The following PTPN2 variants were observed in gnomAD, a reference collection of about 807,000 sequenced individuals.
The protein encoded by PTPN2 is protein tyrosine phosphatase non-receptor type 2, also known as tyrosine-protein phosphatase non-receptor type 2.
PTPN2 carries 19 observed loss-of-function variants against 57.3 expected under a neutral mutation model. The observed-to-expected ratio is 0.33, with a 90% CI of 0.23 to 0.49. The LOEUF is 0.49. Ranked by LOEUF, PTPN2 falls within the 20% of genes least tolerant of loss-of-function variation. The pLI, the probability that PTPN2 is intolerant of heterozygous loss-of-function variation, is 0.99. For missense variants in PTPN2, 358 were observed against 501.1 expected, an observed-to-expected ratio of 0.71 and a Z score of 2.73; for synonymous variants, 153 against 164.9, an observed-to-expected ratio of 0.93 and a Z score of 0.55.
At chr18:12,870,363 G>A (rs12958621) in intron 1 of PTPN2, among the ~76,000 whole-genome samples, 40 of 27,300 alleles carry the variant, frequency 1.5e-3, no homozygotes, top group East Asian at 0.013. Context: ...GTATATATAT[G>A]TGTATATATA....
chr18:12,806,762 C>A (rs946717942), intron 7 of PTPN2, among the ~76,000 whole-genome samples: 1 of 151,982 alleles, frequency 6.6e-6, no homozygotes, highest in African/African-American at 2.4e-5. Flanking sequence ...TGAAACTAGA[C>A]CCCTATCTCT....
chr18:12,823,041 CTATCTGATTCT>C (rs1433127678), intron 5 of PTPN2, among the ~76,000 whole-genome samples: 2 of 152,152 alleles, frequency 1.3e-5, no homozygotes, highest in African/African-American at 4.8e-5. Context: ...TAAACTTGGG[CTATCTGATTCT>C]AGAGGTTATC....
chr18:12,820,558 T>C (rs1241056098), intron 5 of PTPN2, among the ~76,000 whole-genome samples: 2 of 152,182 alleles, frequency 1.3e-5, no homozygotes, highest in African/African-American at 2.4e-5. Context: ...AAGGTCTGCA[T>C]TTAGACTTTA....
chr18:12,875,202 C>T (rs1415415584), intron 1 of PTPN2, among the ~76,000 whole-genome samples: 1 of 152,078 alleles, frequency 6.6e-6, no homozygotes, highest in African/African-American at 2.4e-5. Context: ...CCTAGGAAAA[C>T]CAGAGACCTT....
In PTPN2 at chr18:12,794,102, C is replaced by T; in HGVS notation, c.*176G>A. The T allele has an allele frequency of 7.0e-7, 1 of 1,434,498 alleles. No homozygotes were observed. The highest frequency in any genetic ancestry group is 2.5e-5 in the East Asian group (1 of 40,210). 88.9% of individuals were successfully genotyped at this position (1,434,498 alleles called of 1,614,324 possible). ...TTTACAGTTTGGGGTTCAGAGGAAC[C>T]TGCAGTCAAGAGTCCTGAGATGTTG... On this transcript the variant is annotated 3_prime_UTR_variant, in exon 9 of 9. Transcript: ENST00000309660.
intron 1 of PTPN2, among the ~76,000 whole-genome samples, chr18:12,872,003 G>T (rs528480472): frequency 6.6e-6 from 1 of 151,456 alleles, no homozygotes; most frequent in Non-Finnish European, 1.5e-5. Flanking sequence ...AGCCGAGATC[G>T]TGCCGTAGCA....
chr18:12,805,733 G>A lies in PTPN2; in HGVS notation c.859-3582C>T, dbSNP rs531441427. Among the ~76,000 whole-genome samples the A allele has an allele frequency of 2.7e-5, 4 of 150,238 alleles. No individual in the cohort carries two copies. The South Asian group carries it at 6.3e-4, about 24-fold the overall frequency. ...CAACCTCTGCCTCCCAGGTTCAAGC[G>A]ATTCTCCTGCCTCAGCCTCCCGAGT... is the stretch of plus-strand genomic sequence containing the variant. On this transcript the variant is annotated intron_variant, in intron 7 of 8. Coordinates refer to ENST00000309660, the MANE Select transcript of PTPN2 (RefSeq NM_002828.4).
At chr18:12,814,164 TAACA>T in intron 7 of PTPN2, 35 bp downstream of exon 7, 1 of 1,420,350 alleles carries the variant, frequency 7.0e-7, no homozygotes, top group Non-Finnish European at 9.8e-7. Flanking sequence ...TATGTGTATT[TAACA>T]AATAGATATG....
At chr18:12,877,277 A>C (rs563582753) in intron 1 of PTPN2, among the ~76,000 whole-genome samples, 4 of 152,362 alleles carry the variant, frequency 2.6e-5, no homozygotes, top group African/African-American at 9.6e-5. Context: ...AGACAAGTAG[A>C]CAGTTACAAA....
intron 1 of PTPN2, among the ~76,000 whole-genome samples, chr18:12,874,692 A>C (rs187474383): frequency 0.019 from 2,771 of 143,232 alleles, 35 homozygotes; most frequent in Middle Eastern, 0.043. Flanking sequence ...TGGGGGGGTC[A>C]ACCCCTCGCC....
intron 2 of PTPN2, among the ~76,000 whole-genome samples, chr18:12,846,115 C>T (rs1482037147): frequency 6.6e-6 from 1 of 152,160 alleles, no homozygotes; most frequent in African/African-American, 2.4e-5. Context: ...ATGTTCATCT[C>T]AGAAAGATGC....
rs376625912 is a variant in PTPN2, at chr18:12,794,468, A to G, written c.1058T>C (p.Ile353Thr). Residue 353 changes from isoleucine to threonine, a missense_variant, in exon 9 of 9, where the codon ATT becomes ACT. Ile to Thr is a moderately conservative substitution (Grantham distance 89). Transcript: ENST00000309660. ...ENSESALRKR[I>T]REDRKATTAQ... ...TGTGGTGGCCTTTCTGTCCTCTCGA[A>G]TACGTTTCCGTAGAGCACTATGAGG... The G allele has an allele frequency of 6.2e-7, 1 of 1,613,596 alleles. No individual in the cohort carries two copies. Among genetic ancestry groups the G allele is most frequent in the Non-Finnish European group, 8.5e-7 (1 of 1,180,028 alleles).
chr18:12,822,184 T>C (rs2042293107), intron 5 of PTPN2, among the ~76,000 whole-genome samples: 1 of 101,028 alleles, frequency 9.9e-6, no homozygotes, highest in African/African-American at 3.8e-5. Context: ...AGAGAGGACA[T>C]TCTAGGTAGA....
At chr18:12,841,829 G>A (rs1181227109) in intron 2 of PTPN2, among the ~76,000 whole-genome samples, 1 of 151,944 alleles carries the variant, frequency 6.6e-6, no homozygotes, top group African/African-American at 2.4e-5. Context: ...TTGGAAAACA[G>A]ACATTTTTCC....
rs78726305 is a variant in PTPN2, at chr18:12,870,308, T to C, written c.70-11054A>G. Among the ~76,000 whole-genome samples, 293 of 85,312 alleles carry C rather than the reference T, an allele frequency of 3.4e-3. 28 individuals are homozygous for C. The highest frequency in any genetic ancestry group is 0.019 in the Middle Eastern group (4 of 212). 56.0% of individuals were successfully genotyped at this position (85,312 alleles called of 152,430 possible). ...ACATATACATATATATGTGTATATATACATATATATGTGTATATATATGTA... is the reference window on the plus strand; with the variant it reads ...ACATATACATATATATGTGTATATACACATATATATGTGTATATATATGTA... On this transcript the variant is annotated intron_variant, in intron 1 of 8. Transcript: ENST00000309660.
intron 1 of PTPN2, among the ~76,000 whole-genome samples, chr18:12,878,072 C>T (rs966819504): frequency 6.6e-6 from 1 of 151,860 alleles, no homozygotes; most frequent in East Asian, 1.9e-4. Context: ...CACAGTGGCT[C>T]ATGCTTGTAA....
At chr18:12,814,015 T>C (rs1357200924) in intron 7 of PTPN2, among the ~76,000 whole-genome samples, 188 bp downstream of exon 7, 1 of 152,232 alleles carries the variant, frequency 6.6e-6, no homozygotes, top group Non-Finnish European at 1.5e-5. Flanking sequence ...ACACAGGATT[T>C]AACCTGAGGC....
chr18:12,788,346 A>C (rs1326209683), downstream of PTPN2, among the ~76,000 whole-genome samples: 1 of 152,134 alleles, frequency 6.6e-6, no homozygotes, highest in African/African-American at 2.4e-5. Context: ...CTTCCATTCT[A>C]AATTTAAAAA....
At chr18:12,809,787 T>C (rs2041827977) in intron 7 of PTPN2, among the ~76,000 whole-genome samples, 1 of 152,230 alleles carries the variant, frequency 6.6e-6, no homozygotes, top group South Asian at 2.1e-4. Flanking sequence ...AAAGCAATGC[T>C]TGTATTCAGA....
Sources: gnomAD v4.1 joint callset for allele counts (sites outside exome capture counted in the v4.1 genomes callset) on GRCh38, gnomAD v4.1.1 for gene constraint, MANE v1.5 for transcripts, NCBI Gene and HGNC (gene_info 2026-07-23, HGNC 2026-07-21) for gene names.